The following PRDM10 variants were observed in gnomAD, a reference collection of about 807,000 sequenced individuals.
PRDM10 encodes the protein PR domain zinc finger protein 10.
In PRDM10, 65 loss-of-function variants were observed where a neutral mutation model predicts 133.1. The observed-to-expected ratio is 0.49, with a 90% confidence interval of 0.40 to 0.60. The LOEUF (loss-of-function observed/expected upper bound fraction) is 0.60. Ranked by LOEUF, PRDM10 falls within the 20% of genes least tolerant of loss-of-function variation. The pLI, the probability that PRDM10 is intolerant of heterozygous loss-of-function variation, is 0.00. For missense variants in PRDM10, 1,137 were observed against 1,507.1 expected (o/e 0.75, Z 4.07); for synonymous variants, 582 against 580.4 (o/e 1.00, Z -0.04).
chr11:129,912,017 C>A, intron 18 of PRDM10, 68 bp downstream of exon 18: 1 of 1,446,834 alleles, frequency 6.9e-7, no homozygotes, highest in Non-Finnish European at 9.2e-7. Context: ...GAATGTCTTC[C>A]CTCTCATTAA....
chr11:129,939,663 C>T (rs898086580), intron 7 of PRDM10, among the ~76,000 whole-genome samples: 2 of 152,190 alleles, frequency 1.3e-5, no homozygotes, highest in African/African-American at 4.8e-5. Context: ...TGAGTGAACA[C>T]GTGCCAAGCA....
At position 129,931,086 on chromosome 11, in the gene PRDM10, T is replaced by G; in HGVS notation, c.1460A>C (p.His487Pro). 1 of 1,614,226 alleles carries G rather than the reference T, an allele frequency of 6.2e-7. No individual in the cohort carries two copies. The highest frequency in any genetic ancestry group is 8.5e-7 in the Non-Finnish European group (1 of 1,180,042). ...ETHTLHLQPQ[H>P]EESVVPTQST... ...CTGGGTGGGCACCACGCTCTCTTCA[T>G]GCTGCGGCTGCAGGTGCAGGGTGTG... is the stretch of plus-strand genomic sequence containing the variant. The change falls in exon 11 of 21, where the codon CAT becomes CCT. Residue 487 changes from histidine (H) to proline (P), a missense_variant. Transcript: ENST00000360871.
rs959489729 is a variant in PRDM10, at chr11:129,901,150, A to G, written c.*1163T>C. On this transcript the variant is annotated 3_prime_UTR_variant, in exon 21 of 21. Transcript: ENST00000360871. Reference sequence around the variant, plus strand: ...ACTGGATTTCTTCCAGATCCCTTATAACTACCTGAATTATTAGAAGTGGCC... The same window carrying G: ...ACTGGATTTCTTCCAGATCCCTTATGACTACCTGAATTATTAGAAGTGGCC... The G allele has an allele frequency of 6.6e-6, 1 of 151,464 alleles. No homozygotes were observed. Among genetic ancestry groups the G allele is most frequent in the African/African-American group, 2.5e-5 (1 of 40,346 alleles). 9.4% of individuals were successfully genotyped at this position (151,464 alleles called of 1,614,324 possible).
intron 17 of PRDM10, among the ~76,000 whole-genome samples, chr11:129,913,426 A>C (rs569233735): frequency 5.1e-4 from 78 of 152,268 alleles, no homozygotes; most frequent in African/African-American, 1.8e-3. Flanking sequence ...AAGGAGAGAG[A>C]GGGAAGATAG....
At chr11:129,924,850 A>G (rs764572022) in intron 12 of PRDM10, 32 bp downstream of exon 12, 1 of 1,519,056 alleles carries the variant, frequency 6.6e-7, no homozygotes, top group South Asian at 1.3e-5. Context: ...AAAAGAAGGA[A>G]GCAGACAGGA....
intron 11 of PRDM10, 131 bp downstream of exon 11, chr11:129,930,885 G>A (rs981944195): frequency 7.6e-7 from 1 of 1,311,654 alleles, no homozygotes; most frequent in South Asian, 1.5e-5. Context: ...AAAATAAGGG[G>A]ATCGAGCATG....
intron 9 of PRDM10, among the ~76,000 whole-genome samples, chr11:129,932,708 T>C (rs1013805910): frequency 6.6e-6 from 1 of 152,228 alleles, no homozygotes; most frequent in African/African-American, 2.4e-5. Flanking sequence ...TCTAATTCAA[T>C]TGTTTCATAA....
At chr11:129,925,262 G>A in intron 11 of PRDM10, 33 bp from the exon 12 acceptor site, 10 of 1,552,744 alleles carry the variant, frequency 6.4e-6, no homozygotes, top group Non-Finnish European at 8.7e-6. Context: ...ATCATTTAGT[G>A]ATGAAATTAA....
intron 7 of PRDM10, among the ~76,000 whole-genome samples, chr11:129,940,506 A>G (rs1464891972): frequency 6.6e-6 from 1 of 152,236 alleles, no homozygotes; most frequent in Non-Finnish European, 1.5e-5. Flanking sequence ...ATTTAAATAT[A>G]AATAGTAGCT....
intron 2 of PRDM10, among the ~76,000 whole-genome samples, chr11:129,960,108 A>G (rs1951768932): frequency 6.6e-6 from 1 of 152,094 alleles, no homozygotes; most frequent in Admixed American, 6.6e-5. Context: ...TTTATTGTAT[A>G]TTTATTATAT....
At chr11:129,992,975 CT>C (rs1175097853) in intron 1 of PRDM10, among the ~76,000 whole-genome samples, 1 of 152,176 alleles carries the variant, frequency 6.6e-6, no homozygotes, top group African/African-American at 2.4e-5. Flanking sequence ...TTCTAGTTCT[CT>C]CAGGCACATG....
At chr11:129,919,960 G>A (rs1414739609) in intron 13 of PRDM10, among the ~76,000 whole-genome samples, 3 of 152,186 alleles carry the variant, frequency 2.0e-5, no homozygotes, top group Non-Finnish European at 4.4e-5. Flanking sequence ...AGGAGGGAAT[G>A]TTCAGCGCTT....
At chr11:129,905,600 G>A (rs1222411054) in intron 20 of PRDM10, 38 bp downstream of exon 20, 2 of 1,486,822 alleles carry the variant, frequency 1.3e-6, no homozygotes, top group Non-Finnish European at 1.9e-6. Flanking sequence ...AGCACCACAG[G>A]TTGGACAGGA....
intron 1 of PRDM10, among the ~76,000 whole-genome samples, chr11:129,985,780 C>CAAAAAAA (rs1159728991): frequency 3.7e-5 from 1 of 26,756 alleles, no homozygotes; most frequent in Non-Finnish European, 8.5e-5. Flanking sequence ...AAACCCTGTC[C>CAAAAAAA]AAAAAAAAAA....
At chr11:129,963,315 G>A (rs1036409680) in intron 1 of PRDM10, among the ~76,000 whole-genome samples, 49 of 151,898 alleles carry the variant, frequency 3.2e-4, no homozygotes, top group African/African-American at 1.0e-3. Flanking sequence ...GGCTGAGGGG[G>A]AGGATCCCTT....
chr11:129,956,621 A>G (rs1951701508), intron 3 of PRDM10, among the ~76,000 whole-genome samples: 1 of 152,238 alleles, frequency 6.6e-6, no homozygotes, highest in South Asian at 2.1e-4. Flanking sequence ...GACATTTAGT[A>G]ACATTGTAAT....
intron 12 of PRDM10, among the ~76,000 whole-genome samples, chr11:129,924,605 A>G (rs1442599624): frequency 6.6e-6 from 1 of 152,224 alleles, no homozygotes; most frequent in Non-Finnish European, 1.5e-5. Flanking sequence ...AGACATTGAC[A>G]TGGATTATGA....
At chr11:129,962,512 T>A (rs984733680) in intron 1 of PRDM10, among the ~76,000 whole-genome samples, 2 of 152,104 alleles carry the variant, frequency 1.3e-5, no homozygotes, top group Non-Finnish European at 2.9e-5. Flanking sequence ...CCAATCCCCA[T>A]TTGGGGGGGA....
At chr11:129,996,023 C>T (rs1466743584) in intron 1 of PRDM10, among the ~76,000 whole-genome samples, 1 of 152,154 alleles carries the variant, frequency 6.6e-6, no homozygotes, top group Non-Finnish European at 1.5e-5. Context: ...TTTTAATTCA[C>T]TCACTTATCC....
Sources: gnomAD v4.1 joint callset for allele counts (sites outside exome capture counted in the v4.1 genomes callset) on GRCh38, gnomAD v4.1.1 for gene constraint, MANE v1.5 for transcripts, NCBI Gene and HGNC (gene_info 2026-07-23, HGNC 2026-07-21) for gene names.